SPTLC3: variants seen among roughly 807,000 people sequenced by gnomAD.
SPTLC3 encodes serine palmitoyltransferase long chain base subunit 3.
A neutral mutation model predicts 59.3 loss-of-function variants in SPTLC3; 36 were observed. That is an observed-to-expected ratio of 0.61 (90% CI 0.47 to 0.80). The LOEUF (loss-of-function observed/expected upper bound fraction) is 0.80, where lower values mean the gene tolerates loss of function less well. SPTLC3 is among the 30% of genes least tolerant of loss of function. The pLI is 0.00. For synonymous variants in SPTLC3, 257 were observed against 240.8 expected (o/e 1.07, Z -0.62); for missense variants, 625 against 685.1 (o/e 0.91, Z 0.98).
intron 7 of SPTLC3, among the ~76,000 whole-genome samples, chr20:13,116,692 A>G (rs1002905820): frequency 6.6e-6 from 1 of 152,190 alleles, no homozygotes; most frequent in Admixed American, 6.5e-5. Context: ...ATCATGAAAA[A>G]TAAAACAGTT....
chr20:13,089,904 A>C (rs1415030565), intron 4 of SPTLC3, among the ~76,000 whole-genome samples: 2 of 152,212 alleles, frequency 1.3e-5, no homozygotes, highest in East Asian at 3.8e-4. Context: ...AAAGACATTA[A>C]ATTTCCAATA....
chr20:13,096,782 A>C (rs1243556922), intron 6 of SPTLC3, among the ~76,000 whole-genome samples: 1 of 152,122 alleles, frequency 6.6e-6, no homozygotes, highest in African/African-American at 2.4e-5. Flanking sequence ...TTAAGCTAAC[A>C]ATATTATTAT....
rs779016822 is a variant in SPTLC3, at chr20:13,072,314, G to A, written c.362G>A (p.Arg121Gln). Residue 121 changes from arginine (R) to glutamine (Q), a missense_variant, in exon 3 of 12, where the codon CGA becomes CAA. Arg to Gln is a conservative substitution (Grantham distance 43). Coordinates refer to ENST00000399002, the MANE Select transcript of SPTLC3 (RefSeq NM_018327.4). The stretch of plus-strand genomic sequence containing the variant: ...TTTTATACAAGAAACCTTTACATGC[G>A]AATCAGAGACAACTGGAACCGGCCC... ...ENFYTRNLYM[R>Q]IRDNWNRPIC... 6 of 1,613,708 alleles carry A rather than the reference G, an allele frequency of 3.7e-6. No individual in the cohort carries two copies. Among genetic ancestry groups the A allele is most frequent in the East Asian group, 2.2e-5 (1 of 44,874 alleles).
At chr20:13,093,446 T>A in intron 5 of SPTLC3, 38 bp from the exon 6 acceptor site, 2 of 1,588,908 alleles carry the variant, frequency 1.3e-6, no homozygotes, top group Non-Finnish European at 1.7e-6. Context: ...TTGGTTTTAT[T>A]TATTGGCTTG....
chr20:13,110,646 C>A (rs1194863843), intron 7 of SPTLC3, among the ~76,000 whole-genome samples: 3 of 152,144 alleles, frequency 2.0e-5, no homozygotes, highest in Non-Finnish European at 4.4e-5. Context: ...CAGCTGCTTG[C>A]TGAACTTTGT....
intron 4 of SPTLC3, among the ~76,000 whole-genome samples, chr20:13,076,545 G>GT (rs1988652771): frequency 6.6e-6 from 1 of 151,752 alleles, no homozygotes; most frequent in Non-Finnish European, 1.5e-5. Context: ...TAAAATCCAT[G>GT]TAACAAAAGA....
intron 8 of SPTLC3, among the ~76,000 whole-genome samples, chr20:13,118,449 GA>G (rs940467763): frequency 2.2e-4 from 28 of 128,164 alleles, no homozygotes; most frequent in Non-Finnish European, 3.3e-4. Flanking sequence ...GAGGTTTGTG[GA>G]AAAAAAAAAC....
chr20:13,114,183 A>G (rs1990404321), intron 7 of SPTLC3, among the ~76,000 whole-genome samples: 1 of 152,252 alleles, frequency 6.6e-6, no homozygotes, highest in South Asian at 2.1e-4. Context: ...TCTAGGCCTC[A>G]GTTTCTTCAT....
intron 6 of SPTLC3, among the ~76,000 whole-genome samples, chr20:13,101,617 C>T (rs1447544572): frequency 6.6e-6 from 1 of 152,234 alleles, no homozygotes; most frequent in Non-Finnish European, 1.5e-5. Context: ...ACAGAGTCAG[C>T]TGCAACCAGG....
At chr20:13,048,108 T>C (rs1244527090) in intron 1 of SPTLC3, among the ~76,000 whole-genome samples, 3 of 152,138 alleles carry the variant, frequency 2.0e-5, no homozygotes, top group African/African-American at 7.2e-5. Context: ...TGTAAAGGGA[T>C]CAGTGCAACA....
At chr20:13,081,165 G>T (rs1048506041) in intron 4 of SPTLC3, among the ~76,000 whole-genome samples, 1 of 152,130 alleles carries the variant, frequency 6.6e-6, no homozygotes, top group African/African-American at 2.4e-5. Flanking sequence ...TCCCGCCTTT[G>T]CCACAAGCAG....
chr20:13,062,725 T>C (rs1161379629), intron 2 of SPTLC3, among the ~76,000 whole-genome samples: 2 of 152,214 alleles, frequency 1.3e-5, no homozygotes, highest in African/African-American at 4.8e-5. Context: ...GATCACATCA[T>C]ACATCTTGTG....
In SPTLC3 at chr20:13,049,122, G is replaced by A; in HGVS notation, c.295G>A (p.Glu99Lys). The change falls in exon 2 of 12, where the codon GAA (glutamate) becomes AAA (lysine). Residue 99 changes from glutamate (E) to lysine (K), a missense_variant. Physicochemically the swap from Glu to Lys is moderately conservative, Grantham distance 56 (BLOSUM62 1). Coordinates refer to ENST00000399002, the MANE Select transcript of SPTLC3 (RefSeq NM_018327.4). ...ATGCAACGCAGCTGTGGAAAGAAAA[G>A]AACAAAAAGTACGTATGCGCACCTC... ...EKCNAAVERK[E>K]QKDFVPLYQD... The A allele has an allele frequency of 8.1e-6, 13 of 1,613,090 alleles. No individual in the cohort carries two copies. Among genetic ancestry groups the A allele is most frequent in the Non-Finnish European group, 1.1e-5 (13 of 1,179,598 alleles).
chr20:13,039,848 A>C (rs1986895785), intron 1 of SPTLC3, among the ~76,000 whole-genome samples: 1 of 152,074 alleles, frequency 6.6e-6, no homozygotes, highest in Non-Finnish European at 1.5e-5. Context: ...AATTTATACA[A>C]ACTTAAATCC....
chr20:13,138,387 C>A (rs184657423), intron 9 of SPTLC3, among the ~76,000 whole-genome samples: 1 of 152,312 alleles, frequency 6.6e-6, no homozygotes, highest in East Asian at 1.9e-4. Context: ...CCCTGGCCAT[C>A]CTTCTAAGCC....
intron 2 of SPTLC3, among the ~76,000 whole-genome samples, chr20:13,067,539 A>G (rs1988269653): frequency 6.6e-6 from 1 of 152,174 alleles, no homozygotes; most frequent in African/African-American, 2.4e-5. Flanking sequence ...CGAGGCATTT[A>G]CAACTTTATT....
At chr20:13,139,629 A>C (rs1448115013) in intron 9 of SPTLC3, among the ~76,000 whole-genome samples, 2 of 152,212 alleles carry the variant, frequency 1.3e-5, no homozygotes, top group African/African-American at 4.8e-5. Context: ...TTTGTAACTC[A>C]GTCACATGAC....
chr20:13,112,814 G>A (rs1347527328), intron 7 of SPTLC3, among the ~76,000 whole-genome samples: 5 of 152,186 alleles, frequency 3.3e-5, no homozygotes, highest in Non-Finnish European at 7.3e-5. Context: ...AGATAGCCTA[G>A]AGTTGAGTTC....
At chr20:13,158,463 A>C (rs963456274) in intron 10 of SPTLC3, among the ~76,000 whole-genome samples, 2 of 152,196 alleles carry the variant, frequency 1.3e-5, no homozygotes, top group Non-Finnish European at 2.9e-5. Context: ...ACATGCAGAC[A>C]GTGAAAGCGG....
Sources: allele counts gnomAD v4.1 joint callset (sites outside exome capture counted in the v4.1 genomes callset), GRCh38; gene constraint gnomAD v4.1.1; transcripts MANE v1.5; gene names NCBI Gene and HGNC (gene_info 2026-07-23, HGNC 2026-07-21).